KSR2: variants seen among roughly 807,000 people sequenced by gnomAD.
KSR2 encodes kinase suppressor of ras 2.
KSR2 carries 25 observed loss-of-function variants against 107.8 expected under a neutral mutation model. The observed-to-expected ratio is 0.23, with a 90% CI of 0.17 to 0.32. The LOEUF is 0.32. KSR2 is among the 10% of genes least tolerant of loss of function. KSR2 has a pLI of 1.00. For missense variants in KSR2, 887 were observed against 1,268.9 expected (o/e 0.70, Z 4.57); for synonymous variants, 480 against 507.0 (o/e 0.95, Z 0.71).
chr12:117,875,856 TC>T (rs1190035076), intron 1 of KSR2, among the ~76,000 whole-genome samples: 2 of 151,168 alleles, frequency 1.3e-5, no homozygotes, highest in Non-Finnish European at 2.9e-5. Context: ...TGGTTACGCC[TC>T]CCCCCCACCA....
At position 117,863,048 on chromosome 12, in the gene KSR2, G is replaced by A. The variant is rs75024459; in HGVS notation, c.181-2617C>T. 3.9e-3 allele frequency among the ~76,000 whole-genome samples: 586 copies of A among 152,112 alleles called. 2 individuals carry two copies. The highest frequency in any genetic ancestry group is 0.013 in the African/African-American group (552 of 41,518). On this transcript the variant is annotated intron_variant, in intron 1 of 19. Coordinates refer to ENST00000339824, the MANE Select transcript of KSR2 (RefSeq NM_173598.6). Reference sequence around the variant, plus strand: ...CCGGCCTTCCATTCCCCCTTTTACCGAAAAGAACATGTCAACTTTCTTTCA... The same window carrying A: ...CCGGCCTTCCATTCCCCCTTTTACCAAAAAGAACATGTCAACTTTCTTTCA...
intron 3 of KSR2, among the ~76,000 whole-genome samples, chr12:117,778,757 A>C (rs868394476): frequency 1.9e-4 from 29 of 152,326 alleles, no homozygotes; most frequent in African/African-American, 6.7e-4. Flanking sequence ...TGCTTGCACA[A>C]GAGAGTCCAC....
chr12:117,920,847 C>T (rs1895319170), intron 1 of KSR2, among the ~76,000 whole-genome samples: 1 of 152,148 alleles, frequency 6.6e-6, no homozygotes, highest in South Asian at 2.1e-4. Flanking sequence ...TTGGCACCCA[C>T]CTGGCTTCAA....
At chr12:117,509,906 A>C (rs1269434330) in intron 14 of KSR2, among the ~76,000 whole-genome samples, 1 of 152,228 alleles carries the variant, frequency 6.6e-6, no homozygotes, top group Non-Finnish European at 1.5e-5. Context: ...GTGACTTCTC[A>C]GCTGCATACT....
chr12:117,489,016 AAAAGCATGGAT>A (rs1195776408), intron 14 of KSR2, among the ~76,000 whole-genome samples: 1 of 152,242 alleles, frequency 6.6e-6, no homozygotes, highest in Non-Finnish European at 1.5e-5. Context: ...GCTAACTGCA[AAAAGCATGGAT>A]AAAGCTCACC....
chr12:117,615,069 C>G (rs1881799224), intron 5 of KSR2, among the ~76,000 whole-genome samples: 1 of 151,990 alleles, frequency 6.6e-6, no homozygotes, highest in Non-Finnish European at 1.5e-5. Context: ...CCAGGGTACC[C>G]TTGGCCCCTA....
intron 4 of KSR2, among the ~76,000 whole-genome samples, chr12:117,705,523 C>G (rs1350122825): frequency 6.6e-6 from 1 of 152,194 alleles, no homozygotes; most frequent in African/African-American, 2.4e-5. Flanking sequence ...TAACCCAGTC[C>G]TCATGCCAAT....
At chr12:117,762,823 G>A (rs1025363238) in intron 3 of KSR2, among the ~76,000 whole-genome samples, 8 of 151,296 alleles carry the variant, frequency 5.3e-5, no homozygotes, top group South Asian at 4.2e-4. Context: ...AGCTGAGATC[G>A]CACCATTGCA....
At chr12:117,926,186 A>G (rs1242367571) in intron 1 of KSR2, among the ~76,000 whole-genome samples, 1 of 152,172 alleles carries the variant, frequency 6.6e-6, no homozygotes, top group Non-Finnish European at 1.5e-5. Flanking sequence ...TGATAGAGTG[A>G]GACTCCGTCT....
chr12:117,494,354 G>T (rs1450863358), intron 14 of KSR2, among the ~76,000 whole-genome samples: 1 of 152,176 alleles, frequency 6.6e-6, no homozygotes, highest in Non-Finnish European at 1.5e-5. Flanking sequence ...ACAAACCTGA[G>T]CAGGCACTAG....
rs188133830 is a variant in KSR2 at position 117,627,368 on chromosome 12, C to T, written c.1171+40106G>A. Reference sequence around the variant, plus strand: ...TACTTCTTTCCATGTTTAGTGCTTCCTTCAGGAACTCTTGTAAGGCAGGCC... The same window carrying T: ...TACTTCTTTCCATGTTTAGTGCTTCTTTCAGGAACTCTTGTAAGGCAGGCC... On this transcript the variant is annotated intron_variant, in intron 5 of 19. Transcript: ENST00000339824. Among the ~76,000 whole-genome samples, 662 of 152,236 alleles carry T rather than the reference C, an allele frequency of 4.3e-3. 5 individuals are homozygous for T. The highest frequency in any genetic ancestry group is 4.8e-3 in the Non-Finnish European group (326 of 68,024).
intron 5 of KSR2, among the ~76,000 whole-genome samples, chr12:117,644,707 A>C (rs1883536689): frequency 6.6e-6 from 1 of 152,206 alleles, no homozygotes; most frequent in Non-Finnish European, 1.5e-5. Flanking sequence ...ACACTCTCTG[A>C]AAGTACAATC....
chr12:117,539,780 C>A lies in KSR2; in HGVS notation c.1626G>T (p.Pro542=). 1 of 1,606,292 alleles carries A rather than the reference C, an allele frequency of 6.2e-7. No individual in the cohort carries two copies. The highest frequency in any genetic ancestry group is 1.3e-5 in the African/African-American group (1 of 74,400). ...PAPPLPPSAT[P]PSPLHPSPQC... The stretch of plus-strand genomic sequence containing the variant: ...GTGGGGAAGGGTGTAGGGGAGAAGG[C>A]GGCGTGGCACTAGGAGGGAGGGGGG... Residue 542 remains proline (P), a synonymous_variant, in exon 10 of 20, where the codon CCG becomes CCT. Transcript: ENST00000339824.
chr12:117,760,904 GC>G, intron 4 of KSR2, 106 bp downstream of exon 4: 2 of 1,385,506 alleles, frequency 1.4e-6, no homozygotes, highest in South Asian at 2.5e-5. Flanking sequence ...AGTCTGGAAC[GC>G]AAGTCTGTTC....
intron 4 of KSR2, among the ~76,000 whole-genome samples, chr12:117,722,979 G>A (rs1887273568): frequency 6.6e-6 from 1 of 152,172 alleles, no homozygotes; most frequent in Non-Finnish European, 1.5e-5. Context: ...AAGCCTGAGG[G>A]CCAGTGGATG....
intron 4 of KSR2, among the ~76,000 whole-genome samples, chr12:117,731,084 C>T (rs12297494): frequency 0.26 from 39,530 of 149,498 alleles, 6,362 homozygotes; most frequent in African/African-American, 0.46. Context: ...CCCGGCCACC[C>T]ATCGTCTGGG....
At position 117,855,412 on chromosome 12, in the gene KSR2, C is replaced by A. The variant is rs1157268201; in HGVS notation, c.472+16G>T. ...GGGGACAAGTCTCCACATCCCCGAC[C>A]CCGGGGCCTGCTCACCTGACATGTG... On this transcript the variant is annotated intron_variant, in intron 3 of 19. Coordinates refer to ENST00000339824, the MANE Select transcript of KSR2 (RefSeq NM_173598.6). 1.9e-6 allele frequency: 3 copies of A among 1,613,890 alleles called. No homozygotes were observed. Among genetic ancestry groups the A allele is most frequent in the Non-Finnish European group, 2.5e-6 (3 of 1,179,898 alleles).
chr12:117,748,672 TA>T (rs1888500774), intron 4 of KSR2, among the ~76,000 whole-genome samples: 1 of 152,188 alleles, frequency 6.6e-6, no homozygotes, highest in Non-Finnish European at 1.5e-5. Flanking sequence ...ATGTATATTC[TA>T]ATAACAAATT....
At position 117,817,398 on chromosome 12, in the gene KSR2, C is replaced by T. The variant is rs941205176; in HGVS notation, c.472+38030G>A. ...ACCGCCCCCCACCCACACCGATGTTCCCAAGTAAAAACAGCACGGGAAATT... is the reference window on the plus strand; with the variant it reads ...ACCGCCCCCCACCCACACCGATGTTTCCAAGTAAAAACAGCACGGGAAATT... On this transcript the variant is annotated intron_variant, in intron 3 of 19. Coordinates refer to ENST00000339824, the MANE Select transcript of KSR2 (RefSeq NM_173598.6). Among the ~76,000 whole-genome samples the T allele has an allele frequency of 2.0e-5, 3 of 151,972 alleles. No homozygotes were observed. The South Asian group carries it at 6.2e-4, about 32-fold the overall frequency.
Sources: allele counts gnomAD v4.1 joint callset (sites outside exome capture counted in the v4.1 genomes callset), GRCh38; gene constraint gnomAD v4.1.1; transcripts MANE v1.5; gene names NCBI Gene and HGNC (gene_info 2026-07-23, HGNC 2026-07-21).